The following LHX8 variants were observed in gnomAD, a reference collection of about 807,000 sequenced individuals.
The protein encoded by LHX8 is LIM/homeobox protein Lhx8.
In LHX8, 12 loss-of-function variants were observed where a neutral mutation model predicts 40.3. That is an observed-to-expected ratio of 0.30 (90% CI 0.19 to 0.48). The LOEUF is 0.48. Ranked by LOEUF, LHX8 falls within the 20% of genes least tolerant of loss-of-function variation. The pLI, the probability that LHX8 is intolerant of heterozygous loss-of-function variation, is 0.99. For synonymous variants in LHX8, 179 were observed against 162.0 expected, an observed-to-expected ratio of 1.10 and a Z score of -0.80; for missense variants, 344 against 433.7, an observed-to-expected ratio of 0.79 and a Z score of 1.84.
At chr1:75,144,035 T>A in intron 6 of LHX8, 87 bp downstream of exon 6, 1 of 992,652 alleles carries the variant, frequency 1.0e-6, no homozygotes, top group African/African-American at 1.6e-5. Context: ...AAAAACATTT[T>A]TATGTTTTCT....
At chr1:75,150,918 G>T (rs936881772) in intron 7 of LHX8, among the ~76,000 whole-genome samples, 1 of 151,764 alleles carries the variant, frequency 6.6e-6, no homozygotes, top group Non-Finnish European at 1.5e-5. Flanking sequence ...CTTGTGATCC[G>T]CCCGCCTCAG....
chr1:75,195,969 G>A, the LHX8 span, among the ~76,000 whole-genome samples: 4 of 152,168 alleles, frequency 2.6e-5, no homozygotes, highest in Non-Finnish European at 5.9e-5. Flanking sequence ...ATGATAGAGA[G>A]CAAGGCAGAT....
the LHX8 span, among the ~76,000 whole-genome samples, chr1:75,193,488 T>G: frequency 0.011 from 1,744 of 152,338 alleles, 39 homozygotes; most frequent in African/African-American, 0.04. Context: ...GTAAAACTGC[T>G]GGTCCCCTAT....
At chr1:75,140,800 GAT>G (rs1423795845) in intron 3 of LHX8, among the ~76,000 whole-genome samples, 183 bp from the exon 4 acceptor site, 1 of 151,972 alleles carries the variant, frequency 6.6e-6, no homozygotes, top group Non-Finnish European at 1.5e-5. Context: ...AGGTCTAAAA[GAT>G]AATATATCCA....
At chr1:75,167,560 G>A in the LHX8 span, among the ~76,000 whole-genome samples, 1 of 152,070 alleles carries the variant, frequency 6.6e-6, no homozygotes, top group East Asian at 1.9e-4. Flanking sequence ...TGCCCTGATT[G>A]TTCCCCACAC....
chr1:75,131,143 G>T (rs1647949118), upstream of LHX8: 1 of 313,290 alleles, frequency 3.2e-6, no homozygotes, highest in South Asian at 3.1e-5. Context: ...CTTTGACCAC[G>T]TTTTCTCTCA....
the LHX8 span, among the ~76,000 whole-genome samples, chr1:75,187,734 C>T: frequency 6.6e-6 from 1 of 152,092 alleles, no homozygotes; most frequent in Non-Finnish European, 1.5e-5. Flanking sequence ...TGTGTGAAAA[C>T]AAGACAGCAT....
the LHX8 span, among the ~76,000 whole-genome samples, chr1:75,167,371 C>A: frequency 6.6e-6 from 1 of 152,158 alleles, no homozygotes; most frequent in Admixed American, 6.5e-5. Flanking sequence ...ATCTGGTGCA[C>A]AATAAACCCT....
At chr1:75,147,038 A>T (rs962538682) in intron 6 of LHX8, among the ~76,000 whole-genome samples, 3 of 152,184 alleles carry the variant, frequency 2.0e-5, no homozygotes, top group Non-Finnish European at 2.9e-5. Context: ...GTTCAACTGC[A>T]TAGAAACATA....
the LHX8 span, among the ~76,000 whole-genome samples, chr1:75,192,635 A>G: frequency 2.6e-5 from 4 of 152,096 alleles, no homozygotes; most frequent in African/African-American, 9.7e-5. Context: ...ATAACATTTT[A>G]AGTAATTTTT....
chr1:75,137,328 G>C, intron 3 of LHX8, 67 bp downstream of exon 3: 6 of 1,483,430 alleles, frequency 4.0e-6, no homozygotes, highest in Non-Finnish European at 5.6e-6. Context: ...TGGGAAAAGA[G>C]TAATGTTCCT....
intron 6 of LHX8, among the ~76,000 whole-genome samples, 187 bp downstream of exon 6, chr1:75,144,135 C>T (rs2100342116): frequency 6.6e-6 from 1 of 152,250 alleles, no homozygotes; most frequent in East Asian, 1.9e-4. Context: ...TTTCTAGCAT[C>T]ATAATATAAT....
In LHX8 at chr1:75,157,021, T is replaced by C; in HGVS notation, c.909T>C (p.Ser303=). 6.2e-7 allele frequency: 1 copy of C among 1,614,198 alleles called. No homozygotes were observed. The highest frequency in any genetic ancestry group is 1.3e-5 in the African/African-American group (1 of 75,064). Residue 303 remains serine (S), a synonymous_variant, in exon 8 of 9, where the codon TCT becomes TCC. Coordinates refer to ENST00000356261, the MANE Select transcript of LHX8 (RefSeq NM_001256114.2). The part of the protein sequence containing the change: ...SPPMLEEMAY[S]AYVPQDGTML... ...CCATGTTAGAAGAAATGGCTTATTC[T>C]GCCTACGTGCCCCAAGATGGAACGA...
the LHX8 span, among the ~76,000 whole-genome samples, chr1:75,168,545 T>C: frequency 6.6e-6 from 1 of 152,150 alleles, no homozygotes; most frequent in Non-Finnish European, 1.5e-5. Flanking sequence ...GTTTTCAATT[T>C]GTCCTGGATA....
At chr1:75,151,771 T>C (rs1648619826) in intron 7 of LHX8, among the ~76,000 whole-genome samples, 1 of 152,224 alleles carries the variant, frequency 6.6e-6, no homozygotes, top group African/African-American at 2.4e-5. Context: ...GCATGACTTA[T>C]ATCATTTTGA....
chr1:75,156,273 GCT>G (rs1433702614), intron 7 of LHX8, among the ~76,000 whole-genome samples: 1 of 151,924 alleles, frequency 6.6e-6, no homozygotes, highest in Middle Eastern at 3.2e-3. Context: ...ACAGAGTCTT[GCT>G]ATGTCGCCCA....
At position 75,141,978 on chromosome 1, in the gene LHX8, T is replaced by G. The variant is rs182954407; in HGVS notation, c.359+872T>G. ...AATTGCTAGGTAACTTAAAGTAATT[T>G]ATGAGACCCAGAGTCTTTTATAAAA... On this transcript the variant is annotated intron_variant, in intron 4 of 8. Transcript: ENST00000356261. Among the ~76,000 whole-genome samples, 4 of 152,266 alleles carry G rather than the reference T, an allele frequency of 2.6e-5. No homozygotes were observed. The East Asian group carries it at 7.7e-4, about 29-fold the overall frequency.
the LHX8 span, among the ~76,000 whole-genome samples, chr1:75,188,598 A>C: frequency 6.6e-6 from 1 of 152,116 alleles, no homozygotes; most frequent in East Asian, 1.9e-4. Flanking sequence ...TTTTGTCCTT[A>C]TGGAGCCCAT....
rs185528077 is a variant in LHX8, at chr1:75,148,409, G to A, written c.685-178G>A. Among the ~76,000 whole-genome samples, 81 of 152,252 alleles carry A rather than the reference G, an allele frequency of 5.3e-4. No homozygotes were observed. In the East Asian group the frequency reaches 0.013, roughly 25 times the overall value. On this transcript the variant is annotated intron_variant, in intron 6 of 8. Coordinates refer to ENST00000356261, the MANE Select transcript of LHX8 (RefSeq NM_001256114.2). ...TAAAGTTCTCAGCATAGCAACTTGT[G>A]TATAAATTTACAAAATATGCATTCG...
Sources: allele counts gnomAD v4.1 joint callset (sites outside exome capture counted in the v4.1 genomes callset), GRCh38; gene constraint gnomAD v4.1.1; transcripts MANE v1.5; gene names NCBI Gene and HGNC (gene_info 2026-07-23, HGNC 2026-07-21).